Variants in VPS37A observed in about 807,000 individuals in gnomAD.
VPS37A encodes the protein VPS37A subunit of ESCRT-I, also known as vacuolar protein sorting-associated protein 37A.
Under a neutral mutation model 49.8 loss-of-function variants are expected in VPS37A, and 30 were observed. The ratio of observed to expected loss-of-function variants is 0.60; its 90% CI spans 0.45 to 0.82. The LOEUF (loss-of-function observed/expected upper bound fraction) is 0.82. VPS37A is among the 40% of genes least tolerant of loss of function. The pLI, the probability that VPS37A is intolerant of heterozygous loss-of-function variation, is 0.00. For synonymous variants in VPS37A, 195 were observed against 160.6 expected, an observed-to-expected ratio of 1.21 and a Z score of -1.62; for missense variants, 593 against 464.4, an observed-to-expected ratio of 1.28 and a Z score of -2.55.
intron 1 of VPS37A, among the ~76,000 whole-genome samples, chr8:17,249,429 G>C (rs1416556277): frequency 1.3e-5 from 2 of 152,168 alleles, no homozygotes; most frequent in Non-Finnish European, 2.9e-5. Context: ...AATTTATTTT[G>C]TAGTGTTATG....
the VPS37A span, among the ~76,000 whole-genome samples, chr8:17,325,865 C>A: frequency 6.6e-6 from 1 of 152,164 alleles, no homozygotes; most frequent in African/African-American, 2.4e-5. Context: ...GCCTGGCTGA[C>A]TGAATTCACC....
In VPS37A at chr8:17,276,283, TATG is replaced by T. The variant is rs1427333761; in HGVS notation, c.643-111_643-109del. 10 of 764,346 alleles carry T rather than the reference TATG, an allele frequency of 1.3e-5. No individual in the cohort carries two copies. In the African/African-American group the frequency reaches 1.8e-4, roughly 14 times the overall value. The allele number at this position is 764,346 out of a possible 1,614,324, so 47.3% of individuals were successfully genotyped here. ...GCAGTGTGAGATGTGAAGATGAAAATATGATAATGCAAACAGTTATGGGATATA... is the reference window on the plus strand; with the variant it reads ...GCAGTGTGAGATGTGAAGATGAAAATATAATGCAAACAGTTATGGGATATA... On this transcript the variant is annotated intron_variant, in intron 5 of 11. Coordinates refer to ENST00000324849, the MANE Select transcript of VPS37A (RefSeq NM_152415.3).
chr8:17,288,648 C>T (rs978817518), intron 11 of VPS37A, among the ~76,000 whole-genome samples: 1 of 152,144 alleles, frequency 6.6e-6, no homozygotes, highest in African/African-American at 2.4e-5. Flanking sequence ...GGTTCCAAGT[C>T]TTTGCTATTG....
Position 17,256,290 on chromosome 8 carries a change from A to ATTTTTTTTTTTTTTTT in VPS37A, c.125+8934_125+8949dup, listed in dbSNP as rs529736602. On this transcript the variant is annotated intron_variant, in intron 1 of 11. Coordinates refer to ENST00000324849, the MANE Select transcript of VPS37A (RefSeq NM_152415.3). ...AAGTCTTTTTAGCTGGGGTAAAATG[A>ATTTTTTTTTTTTTTTT]TTTTTTTTTTTTTTTTTTTTTTTTT... Among the ~76,000 whole-genome samples, 78 of 60,400 alleles carry ATTTTTTTTTTTTTTTT rather than the reference A, an allele frequency of 1.3e-3. 11 individuals are homozygous for ATTTTTTTTTTTTTTTT. The highest frequency in any genetic ancestry group is 5.5e-3 in the African/African-American group (76 of 13,736). The allele number at this position is 60,400 out of a possible 152,430, so 39.6% of individuals were successfully genotyped here.
chr8:17,319,233 G>A, the VPS37A span, among the ~76,000 whole-genome samples: 3 of 152,280 alleles, frequency 2.0e-5, no homozygotes, highest in African/African-American at 7.2e-5. Context: ...ACTGAGCCTC[G>A]CTGTCTTCAA....
chr8:17,302,109 A>C (rs534722313), downstream of VPS37A: 1 of 1,612,052 alleles, frequency 6.2e-7, no homozygotes. Flanking sequence ...TTGCTCTTCA[A>C]GAAATAAGCA....
intron 1 of VPS37A, among the ~76,000 whole-genome samples, chr8:17,259,402 T>C (rs1363498973): frequency 6.6e-6 from 1 of 152,148 alleles, no homozygotes; most frequent in African/African-American, 2.4e-5. Flanking sequence ...CTTGTTATTG[T>C]TTTCTAGTTT....
downstream of VPS37A, among the ~76,000 whole-genome samples, chr8:17,305,093 T>A (rs919216578): frequency 2.0e-5 from 3 of 152,194 alleles, no homozygotes; most frequent in Non-Finnish European, 4.4e-5. Context: ...GGAATCACAC[T>A]TGAGCTTCCT....
chr8:17,314,519 A>G, the VPS37A span, among the ~76,000 whole-genome samples: 1 of 152,192 alleles, frequency 6.6e-6, no homozygotes, highest in African/African-American at 2.4e-5. Flanking sequence ...TATGGGTCAC[A>G]TAGCAGCATT....
At chr8:17,327,293 G>C in the VPS37A span, among the ~76,000 whole-genome samples, 2 of 152,064 alleles carry the variant, frequency 1.3e-5, no homozygotes, top group African/African-American at 4.8e-5. Context: ...TTTTGAGACA[G>C]AGCCTAACTC....
At chr8:17,254,480 G>C (rs979665775) in intron 1 of VPS37A, among the ~76,000 whole-genome samples, 2 of 152,178 alleles carry the variant, frequency 1.3e-5, no homozygotes, top group Non-Finnish European at 2.9e-5. Context: ...TAATTACTCT[G>C]AGAAATGCTC....
intron 2 of VPS37A, among the ~76,000 whole-genome samples, chr8:17,267,297 A>G (rs1813558759): frequency 6.6e-6 from 1 of 152,206 alleles, no homozygotes; most frequent in Non-Finnish European, 1.5e-5. Flanking sequence ...CAGTATGACC[A>G]ACAAATAGTT....
chr8:17,317,251 G>T, the VPS37A span, among the ~76,000 whole-genome samples: 1 of 152,182 alleles, frequency 6.6e-6, no homozygotes, highest in Non-Finnish European at 1.5e-5. Flanking sequence ...TGGCAGTGCC[G>T]TGTGCCGTGT....
In VPS37A at chr8:17,280,059, G is replaced by A. The variant is rs759116675; in HGVS notation, c.745G>A (p.Glu249Lys). 3 of 1,611,998 alleles carry A rather than the reference G, an allele frequency of 1.9e-6. No individual in the cohort carries two copies. The highest frequency in any genetic ancestry group is 4.5e-5 in the East Asian group (2 of 44,794). The change falls in exon 7 of 12, where the codon GAG becomes AAG. Residue 249 changes from glutamate to lysine, a missense_variant. By Grantham distance (56) the Glu-to-Lys change is moderately conservative. Coordinates refer to ENST00000324849, the MANE Select transcript of VPS37A (RefSeq NM_152415.3). ...ACAACTCACAGATATGAATGAACAA[G>A]AGGAGGTATTACTAGAACAGTTTCT... ...VSQLTDMNEQ[E>K]EVLLEQFLTL...
intron 4 of VPS37A, among the ~76,000 whole-genome samples, chr8:17,273,834 A>G (rs1586007162): frequency 6.6e-6 from 1 of 152,252 alleles, no homozygotes; most frequent in Middle Eastern, 3.4e-3. Context: ...CATTAAATGA[A>G]ATAATAGTAC....
the VPS37A span, among the ~76,000 whole-genome samples, chr8:17,329,970 G>A: frequency 3.3e-3 from 497 of 152,254 alleles, 3 homozygotes; most frequent in African/African-American, 0.011. Context: ...TGCTACAGAG[G>A]GGCATCAAAC....
At chr8:17,248,465 G>T in intron 1 of VPS37A, 1 of 440,616 alleles carries the variant, frequency 2.3e-6, no homozygotes, top group South Asian at 1.6e-5. Context: ...TAGTAGAGAC[G>T]GGGTTTCACC....
At chr8:17,257,204 C>T (rs1460127242) in intron 1 of VPS37A, among the ~76,000 whole-genome samples, 1 of 152,076 alleles carries the variant, frequency 6.6e-6, no homozygotes, top group Non-Finnish European at 1.5e-5. Context: ...GTTGTATGTT[C>T]TTGGTGCTTT....
At chr8:17,319,544 T>C in the VPS37A span, among the ~76,000 whole-genome samples, 136 of 152,332 alleles carry the variant, frequency 8.9e-4, no homozygotes, top group Middle Eastern at 3.4e-3. Flanking sequence ...GCTACCTTGG[T>C]GGGTTTTACC....
Sources: gnomAD v4.1 joint callset for allele counts (sites outside exome capture counted in the v4.1 genomes callset) on GRCh38, gnomAD v4.1.1 for gene constraint, MANE v1.5 for transcripts, NCBI Gene and HGNC (gene_info 2026-07-23, HGNC 2026-07-21) for gene names.